Variants in GRM7 observed in about 807,000 individuals in gnomAD.
GRM7 encodes metabotropic glutamate receptor 7.
Under a neutral mutation model 84.5 loss-of-function variants are expected in GRM7, and 35 were observed. The observed-to-expected ratio is 0.41, with a 90% confidence interval of 0.32 to 0.55. GRM7 has a LOEUF of 0.55. GRM7 is among the 20% of genes least tolerant of loss of function. The pLI, the probability that GRM7 is intolerant of heterozygous loss-of-function variation, is 0.19. For synonymous variants in GRM7, 487 were observed against 455.1 expected (o/e 1.07, Z -0.89); for missense variants, 1,003 against 1,194.6 (o/e 0.84, Z 2.36).
intron 9 of GRM7, among the ~76,000 whole-genome samples, chr3:7,693,300 C>G (rs1291675511): frequency 1.3e-5 from 2 of 152,120 alleles, no homozygotes; most frequent in African/African-American, 2.4e-5. Flanking sequence ...GGTAATTAAA[C>G]TCAGAAGATT....
At chr3:7,640,056 A>T (rs544868147) in intron 8 of GRM7, among the ~76,000 whole-genome samples, 1 of 152,286 alleles carries the variant, frequency 6.6e-6, no homozygotes, top group Non-Finnish European at 1.5e-5. Flanking sequence ...CTTTGTTTCC[A>T]CATTTTATAA....
At chr3:7,424,414 C>T (rs1353348099) in intron 5 of GRM7, among the ~76,000 whole-genome samples, 6 of 152,060 alleles carry the variant, frequency 3.9e-5, no homozygotes, top group Non-Finnish European at 1.5e-5. Context: ...ATACCTGTTG[C>T]CTTATATCAT....
chr3:7,584,462 A>G (rs1304854920), intron 8 of GRM7, among the ~76,000 whole-genome samples: 2 of 152,326 alleles, frequency 1.3e-5, no homozygotes, highest in African/African-American at 2.4e-5. Context: ...GCTGGACTCT[A>G]TAGCAGAGGC....
chr3:7,373,883 G>C (rs1466406362), intron 4 of GRM7, among the ~76,000 whole-genome samples: 1 of 152,208 alleles, frequency 6.6e-6, no homozygotes, highest in East Asian at 1.9e-4. Context: ...AATGTCGCTT[G>C]TATGATAGAG....
intron 1 of GRM7, among the ~76,000 whole-genome samples, chr3:7,084,412 T>C (rs939418443): frequency 6.6e-6 from 1 of 152,120 alleles, no homozygotes; most frequent in South Asian, 2.1e-4. Flanking sequence ...TTAAGAATCA[T>C]GCTTTGGGTC....
At chr3:7,636,398 T>C (rs1289015558) in intron 8 of GRM7, 2 of 423,310 alleles carry the variant, frequency 4.7e-6, no homozygotes, top group Non-Finnish European at 9.6e-6. Context: ...ACACACACTG[T>C]CATTGTTTGA....
intron 7 of GRM7, among the ~76,000 whole-genome samples, chr3:7,525,728 C>T (rs1002232583): frequency 4.6e-5 from 7 of 151,982 alleles, no homozygotes; most frequent in Admixed American, 2.0e-4. Flanking sequence ...CTTTTTGATT[C>T]CTTGGTGACT....
chr3:6,971,122 G>A (rs6796315), intron 1 of GRM7, among the ~76,000 whole-genome samples: 16,782 of 151,362 alleles, frequency 0.11, 1,121 homozygotes, highest in South Asian at 0.18. Flanking sequence ...AGTATTTACC[G>A]AGGGAGAGGA....
At chr3:7,448,433 C>G (rs936017523) in intron 5 of GRM7, among the ~76,000 whole-genome samples, 5 of 152,102 alleles carry the variant, frequency 3.3e-5, no homozygotes, top group African/African-American at 1.2e-4. Flanking sequence ...TTGGCTTAGA[C>G]AAATCAGGAT....
At chr3:7,256,884 G>C (rs560444737) in intron 2 of GRM7, among the ~76,000 whole-genome samples, 2 of 152,290 alleles carry the variant, frequency 1.3e-5, no homozygotes, top group South Asian at 4.1e-4. Flanking sequence ...AAGATAAAGT[G>C]ATTAATTTTT....
intron 4 of GRM7, among the ~76,000 whole-genome samples, chr3:7,413,868 C>T (rs945619181): frequency 1.3e-5 from 2 of 152,100 alleles, no homozygotes; most frequent in Non-Finnish European, 2.9e-5. Flanking sequence ...TCAGATACTG[C>T]CTACCTCAAT....
At chr3:7,480,022 T>TA (rs1172125399) in intron 7 of GRM7, among the ~76,000 whole-genome samples, 24 of 152,358 alleles carry the variant, frequency 1.6e-4, no homozygotes, top group African/African-American at 5.5e-4. Flanking sequence ...ATACCGCACT[T>TA]GTCAGACAAA....
chr3:7,579,882 T>C (rs1695165814), intron 8 of GRM7, among the ~76,000 whole-genome samples: 1 of 152,200 alleles, frequency 6.6e-6, no homozygotes, highest in African/African-American at 2.4e-5. Flanking sequence ...GCACAATATA[T>C]ACCCAGGTGG....
rs147749753 is a variant in GRM7 at position 7,121,591 on chromosome 3, GAT to G, written c.520-24860_520-24859del. ...ATTATCCCCCTTTCCTCCTAATTTA[GAT>G]TCTTTTCTATCTCCCTCTTGGTCTA... On this transcript the variant is annotated intron_variant, in intron 1 of 9. Coordinates refer to ENST00000357716, the MANE Select transcript of GRM7 (RefSeq NM_000844.4). 2.4e-3 allele frequency among the ~76,000 whole-genome samples: 358 copies of G among 152,064 alleles called. 2 individuals are homozygous for G. The highest frequency in any genetic ancestry group is 8.1e-3 in the East Asian group (42 of 5,174).
At chr3:7,406,310 C>G (rs566515547) in intron 4 of GRM7, among the ~76,000 whole-genome samples, 3 of 152,056 alleles carry the variant, frequency 2.0e-5, no homozygotes, top group Non-Finnish European at 2.9e-5. Flanking sequence ...ACCATCCTGG[C>G]TAACAAGGTG....
At chr3:6,933,220 A>T (rs1429587833) in intron 1 of GRM7, among the ~76,000 whole-genome samples, 1 of 152,220 alleles carries the variant, frequency 6.6e-6, no homozygotes, top group Non-Finnish European at 1.5e-5. Context: ...TTTTACAATT[A>T]TATTATAGCA....
intron 4 of GRM7, among the ~76,000 whole-genome samples, chr3:7,349,538 A>T (rs1318233603): frequency 6.6e-6 from 1 of 152,164 alleles, no homozygotes; most frequent in Non-Finnish European, 1.5e-5. Context: ...TGTGGTGTCG[A>T]AGTAGATAAA....
chr3:7,206,909 A>T (rs1362783007), intron 2 of GRM7, among the ~76,000 whole-genome samples: 1 of 152,168 alleles, frequency 6.6e-6, no homozygotes, highest in Admixed American at 6.5e-5. Context: ...GCTTATGTGG[A>T]TGGAGTGTCA....
chr3:7,620,286 T>C (rs1445385938), intron 8 of GRM7, among the ~76,000 whole-genome samples: 1 of 152,138 alleles, frequency 6.6e-6, no homozygotes, highest in Non-Finnish European at 1.5e-5. Context: ...AATTCATCCA[T>C]TGTTTATCTG....
Sources: gnomAD v4.1 joint callset for allele counts (sites outside exome capture counted in the v4.1 genomes callset) on GRCh38, gnomAD v4.1.1 for gene constraint, MANE v1.5 for transcripts, NCBI Gene and HGNC (gene_info 2026-07-23, HGNC 2026-07-21) for gene names.